DDHD1: variants seen among roughly 807,000 people sequenced by gnomAD.
The protein encoded by DDHD1 is DDHD domain containing 1.
Under a neutral mutation model 96.4 loss-of-function variants are expected in DDHD1, and 49 were observed. The observed-to-expected ratio is 0.51, with a 90% CI of 0.40 to 0.64. The LOEUF (loss-of-function observed/expected upper bound fraction) is 0.64, where lower values mean the gene tolerates loss of function less well. Among genes scored for constraint, DDHD1 ranks in the 30% least tolerant of loss-of-function variants. The probability of loss-of-function intolerance (pLI) is 0.00; values close to 1 mark genes in which losing one functional copy is unlikely to be tolerated. For missense variants in DDHD1, 1,106 were observed against 1,161.2 expected (o/e 0.95, Z 0.69); for synonymous variants, 442 against 446.5 (o/e 0.99, Z 0.13).
chr14:53,076,726 C>T (rs1555333610), intron 4 of DDHD1, among the ~76,000 whole-genome samples: 2 of 152,110 alleles, frequency 1.3e-5, no homozygotes, highest in African/African-American at 2.4e-5. Context: ...CACACCCACC[C>T]CAAACTTCGG....
intron 8 of DDHD1, among the ~76,000 whole-genome samples, chr14:53,060,472 C>T (rs866239573): frequency 6.6e-6 from 1 of 152,184 alleles, no homozygotes; most frequent in African/African-American, 2.4e-5. Context: ...TAAGTTTGCT[C>T]ACACAGCTCC....
chr14:53,152,717 T>C lies in DDHD1; in HGVS notation c.382A>G (p.Thr128Ala). ...HPPQQPPLVP[T>A]NSGGGGATGG... is the part of the protein sequence containing the mutation. Reference sequence around the variant, plus strand: ...GTCGCGCCGCCGCCCCCCGAGTTCGTCGGGACCAGCGGAGGCTGCTGCGGC... The same window carrying C: ...GTCGCGCCGCCGCCCCCCGAGTTCGCCGGGACCAGCGGAGGCTGCTGCGGC... The change falls in exon 1 of 13, where the codon ACG becomes GCG. Residue 128 changes from threonine to alanine, a missense_variant. By Grantham distance (58) the Thr-to-Ala change is moderately conservative. This residue lies in a region of DDHD1 where 456 missense variants were observed against 402.4 expected (regional missense o/e 1.13). Coordinates refer to ENST00000673822, the MANE Select transcript of DDHD1 (RefSeq NM_001160148.2). The C allele has an allele frequency of 6.2e-7, 1 of 1,605,616 alleles. No individual in the cohort carries two copies. Among genetic ancestry groups the C allele is most frequent in the Non-Finnish European group, 8.5e-7 (1 of 1,176,240 alleles).
chr14:53,152,146 A>AGGTGT, intron 1 of DDHD1, 115 bp downstream of exon 1: 1 of 1,129,216 alleles, frequency 8.9e-7, no homozygotes. Flanking sequence ...GCCCCAGCCA[A>AGGTGT]ACGCCAGGCC....
intron 10 of DDHD1, among the ~76,000 whole-genome samples, chr14:53,055,091 C>T (rs1882927640): frequency 6.6e-6 from 1 of 152,148 alleles, no homozygotes; most frequent in Non-Finnish European, 1.5e-5. Flanking sequence ...TTTATAGTGC[C>T]ACCTTGTGGT....
At chr14:53,133,675 G>T (rs1220805982) in intron 1 of DDHD1, among the ~76,000 whole-genome samples, 4 of 152,114 alleles carry the variant, frequency 2.6e-5, no homozygotes, top group African/African-American at 9.7e-5. Context: ...CTCCTGTATG[G>T]ACGCTCTTTT....
chr14:53,078,302 T>C (rs572902873), intron 4 of DDHD1, among the ~76,000 whole-genome samples: 165 of 152,308 alleles, frequency 1.1e-3, no homozygotes, highest in Admixed American at 1.9e-3. Context: ...ATCTTTTTGA[T>C]AAGAGTTATC....
At chr14:53,101,855 G>C (rs546222870) in intron 2 of DDHD1, among the ~76,000 whole-genome samples, 2 of 151,944 alleles carry the variant, frequency 1.3e-5, no homozygotes, top group South Asian at 4.2e-4. Flanking sequence ...ATTAGAAACA[G>C]GCAGAATCTA....
chr14:53,049,657 CAA>C lies in DDHD1; in HGVS notation c.2521+2185_2521+2186del, dbSNP rs11323291. 3.5e-3 allele frequency among the ~76,000 whole-genome samples: 296 copies of C among 84,722 alleles called. 2 individuals carry two copies. The highest frequency in any genetic ancestry group is 0.011 in the South Asian group (26 of 2,372). The allele number at this position is 84,722 out of a possible 152,430, so 55.6% of individuals were successfully genotyped here. A position where few individuals can be genotyped will look rare whatever the true frequency, so the allele number is the denominator to read the frequency against. On this transcript the variant is annotated intron_variant, in intron 12 of 12. Coordinates refer to ENST00000673822, the MANE Select transcript of DDHD1 (RefSeq NM_001160148.2). ...CCTGGTTTCTCTAACTGAGCTAGGT[CAA>C]AAAAAAAAAAAAAAAAAAAAAGAAC...
At chr14:53,084,742 T>A (rs1330911121) in intron 4 of DDHD1, among the ~76,000 whole-genome samples, 6 of 152,150 alleles carry the variant, frequency 3.9e-5, no homozygotes, top group South Asian at 2.1e-4. Flanking sequence ...CATCTCCAAC[T>A]GAGGTACCTG....
intron 8 of DDHD1, 103 bp from the exon 9 acceptor site, chr14:53,058,729 A>G: frequency 9.8e-7 from 1 of 1,016,400 alleles, no homozygotes; most frequent in South Asian, 1.9e-5. Context: ...ATAATAAAAT[A>G]TCTTTGAGTA....
intron 8 of DDHD1, among the ~76,000 whole-genome samples, chr14:53,060,003 T>C (rs1169319082): frequency 6.6e-6 from 1 of 150,914 alleles, no homozygotes; most frequent in Non-Finnish European, 1.5e-5. Context: ...CAATGTATGG[T>C]ATATATTTTT....
At chr14:53,091,663 A>G in intron 4 of DDHD1, 122 bp downstream of exon 4, 3 of 1,025,664 alleles carry the variant, frequency 2.9e-6, no homozygotes, top group South Asian at 3.8e-5. Flanking sequence ...CTTAAGAGGT[A>G]TTAGAATAGT....
chr14:53,142,543 T>C (rs886845098), intron 1 of DDHD1, among the ~76,000 whole-genome samples: 2 of 152,228 alleles, frequency 1.3e-5, no homozygotes, highest in Non-Finnish European at 2.9e-5. Flanking sequence ...TAAAGTTCTC[T>C]ATTTTATCAA....
At position 53,039,894 on chromosome 14, in the gene DDHD1, C is replaced by T. The variant is rs1192534289; in HGVS notation, c.*6874G>A. On this transcript the variant is annotated 3_prime_UTR_variant, in exon 13 of 13. Coordinates refer to ENST00000673822, the MANE Select transcript of DDHD1 (RefSeq NM_001160148.2). ...GTCATGACCATGCACCAATCTCTTT[C>T]CTTTCACACATTTACCTTTTCTTTC... The T allele has an allele frequency of 6.6e-6, 1 of 152,330 alleles. No individual in the cohort carries two copies. The highest frequency in any genetic ancestry group is 2.4e-5 in the African/African-American group (1 of 41,436). The allele number at this position is 152,330 out of a possible 1,614,324, so 9.4% of individuals were successfully genotyped here.
chr14:53,091,726 C>T, intron 4 of DDHD1, 59 bp downstream of exon 4: 2 of 1,553,514 alleles, frequency 1.3e-6, no homozygotes, highest in Non-Finnish European at 1.8e-6. Flanking sequence ...ATCTCTTATA[C>T]CCTGGATCAA....
In DDHD1 at chr14:53,152,528, C is replaced by G. The variant is rs372060543; in HGVS notation, c.571G>C (p.Glu191Gln). Residue 191 changes from glutamate to glutamine, a missense_variant, in exon 1 of 13, where the codon GAG becomes CAG. This residue lies in a region of DDHD1 where 456 missense variants were observed against 402.4 expected (regional missense o/e 1.13). Transcript: ENST00000673822. ...TGCAGCAGGGTCCGGAAGGCGAGCT[C>G]GATGCGGAGCGAGTCGTAGCCGATG... is the stretch of plus-strand genomic sequence containing the variant. ...PFIGYDSLRI[E>Q]LAFRTLLQTT... 4.3e-6 allele frequency: 7 copies of G among 1,613,338 alleles called. No individual in the cohort carries two copies. The highest frequency in any genetic ancestry group is 5.9e-6 in the Non-Finnish European group (7 of 1,179,936).
intron 4 of DDHD1, among the ~76,000 whole-genome samples, chr14:53,082,195 T>C (rs1885523507): frequency 6.6e-6 from 1 of 152,182 alleles, no homozygotes; most frequent in South Asian, 2.1e-4. Flanking sequence ...TCAATTTCCA[T>C]GTTCTCTGAG....
At chr14:53,084,570 T>C (rs1440293959) in intron 4 of DDHD1, among the ~76,000 whole-genome samples, 4 of 152,198 alleles carry the variant, frequency 2.6e-5, no homozygotes, top group African/African-American at 7.2e-5. Flanking sequence ...TTCTGTAATA[T>C]AAGCTATGGA....
intron 1 of DDHD1, among the ~76,000 whole-genome samples, chr14:53,109,467 CA>C (rs1419669929): frequency 6.6e-6 from 1 of 152,174 alleles, no homozygotes; most frequent in Non-Finnish European, 1.5e-5. Flanking sequence ...TTTGTAGCAG[CA>C]ACAGGAACCA....
Sources: allele counts gnomAD v4.1 joint callset (sites outside exome capture counted in the v4.1 genomes callset), GRCh38; gene constraint gnomAD v4.1.1; regional missense constraint gnomAD v4.1.1; transcripts MANE v1.5; gene names NCBI Gene and HGNC (gene_info 2026-07-23, HGNC 2026-07-21).